The following LRCH2 variants were observed in gnomAD, a reference collection of about 807,000 sequenced individuals.
The protein encoded by LRCH2 is leucine-rich repeat and calponin homology domain-containing protein 2.
LRCH2 carries 38 observed loss-of-function variants against 68.9 expected under a neutral mutation model. The observed-to-expected ratio is 0.55, with a 90% CI of 0.43 to 0.72. The LOEUF is 0.72. Among genes scored for constraint, LRCH2 ranks in the 30% least tolerant of loss-of-function variants. The pLI is 0.00. For synonymous variants in LRCH2, 191 were observed against 208.1 expected (o/e 0.92, Z 0.71); for missense variants, 528 against 572.9 (o/e 0.92, Z 0.80).
chrX:115,114,271 A>G (rs782060197), intron 20 of LRCH2, among the ~76,000 whole-genome samples: 2 of 111,554 alleles, frequency 1.8e-5, no homozygotes, highest in East Asian at 5.6e-4. Flanking sequence ...TAATGATGGT[A>G]TCCCATAAAG....
chrX:115,189,013 CT>C (rs2072756387), intron 1 of LRCH2, among the ~76,000 whole-genome samples: 1 of 111,577 alleles, frequency 9.0e-6, no homozygotes. Flanking sequence ...CCATCTGCCT[CT>C]TCTTTTACAG....
At chrX:115,187,605 C>G (rs2072743105) in intron 2 of LRCH2, among the ~76,000 whole-genome samples, 3 of 111,972 alleles carry the variant, frequency 2.7e-5, no homozygotes, top group Admixed American at 1.9e-4. Context: ...ACAATGGTAC[C>G]TATCTCAAAA....
chrX:115,130,159 T>C lies in LRCH2; in HGVS notation c.1736A>G (p.Asp579Gly). 9.7e-7 allele frequency: 1 copy of C among 1,028,092 alleles called. No homozygotes were observed. The highest frequency in any genetic ancestry group is 1.9e-5 in the African/African-American group (1 of 53,312). The allele number at this position is 1,028,092 out of a possible 1,213,427, so 84.7% of individuals were successfully genotyped here. Residue 579 changes from aspartate to glycine, a missense_variant, in exon 15 of 21, where the codon GAT becomes GGT. Physicochemically the swap from Asp to Gly is moderately conservative, Grantham distance 94. Coordinates refer to ENST00000317135, the MANE Select transcript of LRCH2 (RefSeq NM_020871.4). Reference sequence around the variant, plus strand: ...ATTAATATTATCTTTTCTCACCTCATCATTTTCATTGCCACTTGAACTCTT... The same window carrying C: ...ATTAATATTATCTTTTCTCACCTCACCATTTTCATTGCCACTTGAACTCTT... Reference protein sequence around the residue: ...MRKSSSGNENDEQDSDNANMS... With the variant: ...MRKSSSGNENGEQDSDNANMS...
At chrX:115,161,181 C>G (rs897826855) in intron 11 of LRCH2, among the ~76,000 whole-genome samples, 1 of 111,037 alleles carries the variant, frequency 9.0e-6, no homozygotes, top group Non-Finnish European at 1.9e-5. Flanking sequence ...GGCGAAACCC[C>G]GTCTCTACTA....
chrX:115,136,783 A>C (rs2072293875), intron 14 of LRCH2, among the ~76,000 whole-genome samples: 1 of 112,427 alleles, frequency 8.9e-6, no homozygotes, highest in Non-Finnish European at 1.9e-5. Flanking sequence ...ATTTTAACAA[A>C]TCCAAACTTT....
intron 1 of LRCH2, among the ~76,000 whole-genome samples, chrX:115,215,788 A>C (rs2073038064): frequency 9.3e-6 from 1 of 108,011 alleles, no homozygotes; most frequent in South Asian, 4.0e-4. Context: ...AAAAAAAAAA[A>C]AAACATAATT....
chrX:115,177,796 C>T, intron 5 of LRCH2, among the ~76,000 whole-genome samples: 1 of 109,458 alleles, frequency 9.1e-6, no homozygotes, highest in Non-Finnish European at 1.9e-5. Context: ...CTCCCCTTGC[C>T]CCCCACACCC....
intron 5 of LRCH2, among the ~76,000 whole-genome samples, chrX:115,176,176 T>C (rs1387304823): frequency 1.8e-5 from 2 of 112,552 alleles, no homozygotes; most frequent in East Asian, 2.8e-4. Flanking sequence ...CTCTTACAGA[T>C]GTATACCCAG....
chrX:115,211,762 C>CCA (rs1189124804), intron 1 of LRCH2, among the ~76,000 whole-genome samples: 1 of 110,913 alleles, frequency 9.0e-6, no homozygotes, highest in Non-Finnish European at 1.9e-5. Context: ...CATCCACACA[C>CCA]CCCCCCAAGA....
At chrX:115,231,873 A>G (rs1367342305) in intron 1 of LRCH2, among the ~76,000 whole-genome samples, 1 of 112,136 alleles carries the variant, frequency 8.9e-6, no homozygotes, top group Non-Finnish European at 1.9e-5. Flanking sequence ...AAATAAAACC[A>G]GCACTGCCAA....
chrX:115,130,086 A>G, intron 15 of LRCH2, 69 bp downstream of exon 15: 1 of 564,405 alleles, frequency 1.8e-6, no homozygotes, highest in Non-Finnish European at 2.7e-6. Flanking sequence ...ATTACATTTT[A>G]CTCTCACTGA....
chrX:115,208,660 C>G (rs1429954783), intron 1 of LRCH2, among the ~76,000 whole-genome samples: 1 of 111,938 alleles, frequency 8.9e-6, no homozygotes, highest in East Asian at 2.8e-4. Flanking sequence ...GCTACCATTT[C>G]TGCCAAATAT....
In LRCH2 at chrX:115,231,175, T is replaced by C. The variant is rs781962823; in HGVS notation, c.349+2518A>G. Among the ~76,000 whole-genome samples, 8 of 111,955 alleles carry C rather than the reference T, an allele frequency of 7.1e-5. No individual in the cohort carries two copies. The East Asian group carries it at 2.2e-3, about 31-fold the overall frequency. On this transcript the variant is annotated intron_variant, in intron 1 of 20. Transcript: ENST00000317135. ...TTCCCTTCCTCTTGTCTCTTCCTAA[T>C]GCAATAAGGAATGCTTGTCTAACTA... is the stretch of plus-strand genomic sequence containing the variant.
chrX:115,161,654 ATAT>A (rs1254922234), intron 11 of LRCH2, among the ~76,000 whole-genome samples: 2 of 111,220 alleles, frequency 1.8e-5, no homozygotes, highest in Non-Finnish European at 3.8e-5. Context: ...TCAATCAAAA[ATAT>A]TATGTATTTA....
At chrX:115,221,158 C>T (rs1215273212) in intron 1 of LRCH2, among the ~76,000 whole-genome samples, 2 of 77,660 alleles carry the variant, frequency 2.6e-5, no homozygotes, top group Admixed American at 1.7e-4. Flanking sequence ...GTCTGGGCAA[C>T]AGAGCAAGAC....
intron 5 of LRCH2, among the ~76,000 whole-genome samples, chrX:115,178,270 T>A (rs888640234): frequency 9.0e-6 from 1 of 111,704 alleles, no homozygotes; most frequent in Non-Finnish European, 1.9e-5. Context: ...CTTAGAGCCG[T>A]GGTGTTTAAT....
In LRCH2 at chrX:115,112,000, C is replaced by T. The variant is rs1556522868; in HGVS notation, c.*1216G>A. On this transcript the variant is annotated 3_prime_UTR_variant, in exon 21 of 21. Coordinates refer to ENST00000317135, the MANE Select transcript of LRCH2 (RefSeq NM_020871.4). Reference sequence around the variant, plus strand: ...TTTTTGAAAAATTCCTGCAATACCACCAATGTAAATTTACCCATACCTAAG... The same window carrying T: ...TTTTTGAAAAATTCCTGCAATACCATCAATGTAAATTTACCCATACCTAAG... 1.2e-4 allele frequency: 13 copies of T among 112,125 alleles called. No individual in the cohort carries two copies. Among genetic ancestry groups the T allele is most frequent in the Admixed American group, 1.1e-3 (11 of 10,447 alleles). The allele number at this position is 112,125 out of a possible 1,213,427, so 9.2% of individuals were successfully genotyped here. A position where few individuals can be genotyped will look rare whatever the true frequency, so the allele number is the denominator to read the frequency against.
chrX:115,175,735 G>A (rs1216095928), intron 5 of LRCH2, among the ~76,000 whole-genome samples: 1 of 111,867 alleles, frequency 8.9e-6, no homozygotes, highest in Non-Finnish European at 1.9e-5. Flanking sequence ...GGGAGGAAAG[G>A]GAACATCCCC....
In LRCH2 at chrX:115,123,973, G is replaced by T; in HGVS notation, c.1821C>A (p.His607Gln). ...ATCTAGGCTTCAAGCCAAAGGGACT[G>T]TGTGAAAAACCATCAGTTCTGTCAT... ...EEYDRTDGFS[H>Q]SPFGLKPRSA... The change falls in exon 17 of 21, where the codon CAC (histidine) becomes CAA (glutamine). Residue 607 changes from histidine (H) to glutamine (Q), a missense_variant. Coordinates refer to ENST00000317135, the MANE Select transcript of LRCH2 (RefSeq NM_020871.4). The T allele has an allele frequency of 9.0e-7, 1 of 1,110,732 alleles. No individual in the cohort carries two copies. Among genetic ancestry groups the T allele is most frequent in the South Asian group, 2.2e-5 (1 of 44,646 alleles). 91.5% of individuals were successfully genotyped at this position (1,110,732 alleles called of 1,213,427 possible).
Sources: gnomAD v4.1 joint callset for allele counts (sites outside exome capture counted in the v4.1 genomes callset) on GRCh38, gnomAD v4.1.1 for gene constraint, MANE v1.5 for transcripts, NCBI Gene and HGNC (gene_info 2026-07-23, HGNC 2026-07-21) for gene names.